AGBL1: variants seen among roughly 807,000 people sequenced by gnomAD.
AGBL1 encodes AGBL carboxypeptidase 1.
In AGBL1, 130 loss-of-function variants were observed where a neutral mutation model predicts 118.9. The observed-to-expected ratio is 1.09, with a 90% CI of 0.95 to 1.26. AGBL1 has a LOEUF of 1.26. Ranked by LOEUF, AGBL1 falls within the 50% of genes most tolerant of loss-of-function variation. AGBL1 has a pLI of 0.00. For synonymous variants in AGBL1, 555 were observed against 478.9 expected, an observed-to-expected ratio of 1.16 and a Z score of -2.08; for missense variants, 1,584 against 1,298.1, an observed-to-expected ratio of 1.22 and a Z score of -3.38.
chr15:86,391,249 A>G (rs1166702945), intron 17 of AGBL1, among the ~76,000 whole-genome samples: 1 of 152,180 alleles, frequency 6.6e-6, no homozygotes, highest in Admixed American at 6.5e-5. Context: ...AAAAGATAGA[A>G]ACATCTTTTA....
At chr15:86,737,761 A>C (rs918812078) in intron 22 of AGBL1, among the ~76,000 whole-genome samples, 2 of 152,216 alleles carry the variant, frequency 1.3e-5, no homozygotes, top group Admixed American at 1.3e-4. Context: ...TTTAATTTCA[A>C]GATCACATTT....
intron 22 of AGBL1, among the ~76,000 whole-genome samples, chr15:86,680,314 C>A (rs1403999003): frequency 1.3e-5 from 2 of 151,988 alleles, no homozygotes; most frequent in Non-Finnish European, 2.9e-5. Flanking sequence ...TTAAAAGTAG[C>A]TTTTCTTTTT....
intron 5 of AGBL1, among the ~76,000 whole-genome samples, chr15:86,181,404 C>A (rs932919361): frequency 6.6e-6 from 1 of 151,722 alleles, no homozygotes; most frequent in African/African-American, 2.4e-5. Flanking sequence ...ATGAAAGATG[C>A]CAGATTAAAA....
intron 21 of AGBL1, among the ~76,000 whole-genome samples, chr15:86,650,624 G>A (rs1471416401): frequency 6.6e-6 from 1 of 151,886 alleles, no homozygotes; most frequent in East Asian, 1.9e-4. Flanking sequence ...AAATAAAAAG[G>A]CATTACTTTA....
intron 23 of AGBL1, among the ~76,000 whole-genome samples, chr15:86,980,089 A>G (rs1407232316): frequency 1.3e-5 from 2 of 152,212 alleles, no homozygotes; most frequent in Non-Finnish European, 2.9e-5. Context: ...AACCTTTGTC[A>G]TCTTATTTGA....
intron 18 of AGBL1, among the ~76,000 whole-genome samples, chr15:86,475,958 C>A (rs1218601802): frequency 9.2e-5 from 14 of 152,172 alleles, no homozygotes; most frequent in Non-Finnish European, 1.9e-4. Flanking sequence ...CCCAGAATTT[C>A]ATATCCAGCC....
intron 21 of AGBL1, among the ~76,000 whole-genome samples, chr15:86,554,805 T>C (rs1183481732): frequency 2.0e-5 from 3 of 152,216 alleles, no homozygotes; most frequent in Admixed American, 2.0e-4. Context: ...CTCTTTGACA[T>C]GCATCCCCAA....
intron 11 of AGBL1, among the ~76,000 whole-genome samples, chr15:86,266,170 G>A (rs1281677380): frequency 6.6e-6 from 1 of 152,110 alleles, no homozygotes; most frequent in Non-Finnish European, 1.5e-5. Flanking sequence ...TACTTCTTAT[G>A]CAGTTTTATT....
intron 17 of AGBL1, among the ~76,000 whole-genome samples, chr15:86,336,957 T>A (rs1236071604): frequency 6.6e-6 from 1 of 151,856 alleles, no homozygotes; most frequent in Non-Finnish European, 1.5e-5. Context: ...ATTGTCTGAA[T>A]GAGTGAAGGG....
rs369815247 is a variant in AGBL1, at chr15:86,515,524, ATT to A, written c.2556-7285_2556-7284del. On this transcript the variant is annotated intron_variant, in intron 18 of 22. Transcript: ENST00000614907. ...AATAATTAGTTCTTGATTTTTAAAC[ATT>A]GTCTTTTATTATTTCCTATTCTAAC... 1.3e-3 allele frequency among the ~76,000 whole-genome samples: 201 copies of A among 152,292 alleles called. 3 individuals are homozygous for A. In the South Asian group the frequency reaches 0.022, roughly 17 times the overall value.
In AGBL1 at chr15:86,423,302, G is replaced by C. The variant is rs180676575; in HGVS notation, c.2555+25756G>C. Among the ~76,000 whole-genome samples, 483 of 152,170 alleles carry C rather than the reference G, an allele frequency of 3.2e-3. 1 individual carries two copies. Among genetic ancestry groups the C allele is most frequent in the African/African-American group, 0.011 (456 of 41,520 alleles). On this transcript the variant is annotated intron_variant, in intron 18 of 22. Transcript: ENST00000614907. ...AAATCAATAAACATAATCCATCACAGAAACAGAACCAATGACAAAAACCAC... is the reference window on the plus strand; with the variant it reads ...AAATCAATAAACATAATCCATCACACAAACAGAACCAATGACAAAAACCAC...
intron 17 of AGBL1, among the ~76,000 whole-genome samples, chr15:86,326,634 A>C (rs570587038): frequency 6.6e-6 from 1 of 152,202 alleles, no homozygotes; most frequent in Non-Finnish European, 1.5e-5. Flanking sequence ...CCATTTGAGC[A>C]ATAATTAGAG....
chr15:86,302,390 C>T (rs1350752135), intron 17 of AGBL1, among the ~76,000 whole-genome samples: 1 of 151,954 alleles, frequency 6.6e-6, no homozygotes, highest in Non-Finnish European at 1.5e-5. Context: ...ACTTTGAAGT[C>T]AAACTTCTAT....
chr15:86,215,225 G>GTA (rs538613959), intron 5 of AGBL1, among the ~76,000 whole-genome samples: 247 of 18,946 alleles, frequency 0.013, no homozygotes, highest in East Asian at 0.068. Context: ...ATATGTATGC[G>GTA]TGTGTGTGTG....
chr15:86,458,169 G>A (rs991028649), intron 18 of AGBL1, among the ~76,000 whole-genome samples: 1 of 152,052 alleles, frequency 6.6e-6, no homozygotes, highest in Non-Finnish European at 1.5e-5. Context: ...GCAATCTGAA[G>A]AAATGTACAA....
intron 15 of AGBL1, among the ~76,000 whole-genome samples, chr15:86,276,943 A>G (rs1425141162): frequency 6.6e-6 from 1 of 152,056 alleles, no homozygotes; most frequent in Non-Finnish European, 1.5e-5. Flanking sequence ...GGTCCTGGGA[A>G]AGTTTAAAGG....
intron 22 of AGBL1, among the ~76,000 whole-genome samples, chr15:86,692,798 C>T (rs924465060): frequency 1.3e-5 from 2 of 152,116 alleles, no homozygotes; most frequent in Admixed American, 1.3e-4. Flanking sequence ...ACCACTGTGT[C>T]ATTCTTATGC....
At chr15:86,450,448 A>C (rs1227877680) in intron 18 of AGBL1, among the ~76,000 whole-genome samples, 2 of 152,196 alleles carry the variant, frequency 1.3e-5, no homozygotes, top group Non-Finnish European at 2.9e-5. Context: ...GAAAAGTTGA[A>C]CTGGATTTGT....
At chr15:86,233,715 A>C (rs949309394) in intron 6 of AGBL1, among the ~76,000 whole-genome samples, 4 of 152,248 alleles carry the variant, frequency 2.6e-5, no homozygotes, top group African/African-American at 7.2e-5. Flanking sequence ...AAGAAGGAAG[A>C]ACTAGTGAAG....
Sources: gnomAD v4.1 joint callset for allele counts (sites outside exome capture counted in the v4.1 genomes callset) on GRCh38, gnomAD v4.1.1 for gene constraint, MANE v1.5 for transcripts, NCBI Gene and HGNC (gene_info 2026-07-23, HGNC 2026-07-21) for gene names.